The following CPNE4 variants were observed in gnomAD, a reference collection of about 807,000 sequenced individuals.
CPNE4 encodes the protein copine 4.
A neutral mutation model predicts 67.9 loss-of-function variants in CPNE4; 25 were observed. The ratio of observed to expected loss-of-function variants is 0.37; its 90% confidence interval spans 0.27 to 0.51. The LOEUF (loss-of-function observed/expected upper bound fraction) is 0.51, where lower values mean the gene tolerates loss of function less well. Ranked by LOEUF, CPNE4 falls within the 20% of genes least tolerant of loss-of-function variation. The probability of loss-of-function intolerance (pLI) is 0.93; values close to 1 mark genes in which losing one functional copy is unlikely to be tolerated. For missense variants in CPNE4, 464 were observed against 690.8 expected (o/e 0.67, Z 3.68); for synonymous variants, 242 against 244.9 (o/e 0.99, Z 0.11).
At chr3:131,901,962 T>A (rs7640815) in intron 2 of CPNE4, among the ~76,000 whole-genome samples, 1 of 151,878 alleles carries the variant, frequency 6.6e-6, no homozygotes, top group African/African-American at 2.4e-5. Context: ...GCAGAGTTCC[T>A]GTTGTTCATC....
At chr3:131,955,410 G>GTTTTTTTTTTTGTTTTTTTTTTGTTT (rs2071920229) in intron 1 of CPNE4, among the ~76,000 whole-genome samples, 10 of 42,266 alleles carry the variant, frequency 2.4e-4, no homozygotes, top group African/African-American at 9.3e-4. Context: ...TGTATGTAAG[G>GTTTTTTTTTTTGTTTTTTTTTTGTTT]TTTTTTTTTT....
At chr3:131,714,821 T>C (rs998595213) in intron 3 of CPNE4, among the ~76,000 whole-genome samples, 2 of 152,192 alleles carry the variant, frequency 1.3e-5, no homozygotes, top group Admixed American at 6.5e-5. Context: ...GAGAAGATGG[T>C]ATATAATCTC....
chr3:131,799,856 T>TA (rs767124549), intron 2 of CPNE4, among the ~76,000 whole-genome samples: 9 of 152,062 alleles, frequency 5.9e-5, no homozygotes, highest in Non-Finnish European at 1.2e-4. Flanking sequence ...GAGCAGTCTT[T>TA]AGTTTCCGAG....
At chr3:131,617,429 G>C (rs941524545) in intron 7 of CPNE4, among the ~76,000 whole-genome samples, 45 of 152,134 alleles carry the variant, frequency 3.0e-4, no homozygotes, top group African/African-American at 1.0e-3. Context: ...CAGGCAGATG[G>C]GTAGAGATCT....
At chr3:131,962,703 G>A (rs556167913) in intron 1 of CPNE4, among the ~76,000 whole-genome samples, 5 of 150,328 alleles carry the variant, frequency 3.3e-5, no homozygotes, top group African/African-American at 1.2e-4. Context: ...TTCCAGTGGA[G>A]AAATGCATCT....
At chr3:131,551,165 T>C (rs772801075) in intron 13 of CPNE4, among the ~76,000 whole-genome samples, 1 of 152,034 alleles carries the variant, frequency 6.6e-6, no homozygotes, top group Non-Finnish European at 1.5e-5. Flanking sequence ...GCAAAATAGC[T>C]CTTGGGTATT....
chr3:131,989,052 A>G (rs930157843), intron 1 of CPNE4, among the ~76,000 whole-genome samples: 3 of 152,196 alleles, frequency 2.0e-5, no homozygotes, highest in African/African-American at 4.8e-5. Context: ...AATTGTGTGC[A>G]CTGCTGTTTT....
rs550977009 is a variant in CPNE4, at chr3:131,796,275, C to T, written c.181-72650G>A. ...CATTAAGCCATTTTGGAATCATCTT[C>T]AGCCTCGTTAACGACGTAGCAGGGT... On this transcript the variant is annotated intron_variant, in intron 2 of 15. Coordinates refer to ENST00000429747, the MANE Select transcript of CPNE4 (RefSeq NM_130808.3). 1.1e-4 allele frequency among the ~76,000 whole-genome samples: 17 copies of T among 152,238 alleles called. No individual in the cohort carries two copies. The South Asian group carries it at 3.1e-3, about 28-fold the overall frequency.
chr3:131,684,296 C>T (rs777492451), intron 6 of CPNE4, among the ~76,000 whole-genome samples: 4 of 152,112 alleles, frequency 2.6e-5, no homozygotes, highest in Non-Finnish European at 4.4e-5. Context: ...GGAAACTTAA[C>T]GGGTGAAAGA....
chr3:131,843,803 C>T (rs1247459905), intron 2 of CPNE4, among the ~76,000 whole-genome samples: 10 of 152,280 alleles, frequency 6.6e-5, no homozygotes, highest in African/African-American at 2.2e-4. Flanking sequence ...GGGGCCTTGT[C>T]CCCTTTATCG....
intron 1 of CPNE4, among the ~76,000 whole-genome samples, chr3:131,943,362 A>G (rs905359979): frequency 3.9e-5 from 6 of 152,154 alleles, no homozygotes; most frequent in African/African-American, 1.4e-4. Flanking sequence ...TTTTAGAATG[A>G]TAGATCAGGA....
intron 9 of CPNE4, among the ~76,000 whole-genome samples, chr3:131,575,585 T>C (rs1402502914): frequency 6.6e-6 from 1 of 152,120 alleles, no homozygotes; most frequent in Non-Finnish European, 1.5e-5. Context: ...TACTGACAAT[T>C]TCCAGTTAGT....
intron 2 of CPNE4, among the ~76,000 whole-genome samples, chr3:131,854,930 T>C (rs2086380080): frequency 6.6e-6 from 1 of 151,948 alleles, no homozygotes; most frequent in Admixed American, 6.6e-5. Flanking sequence ...ATTTAAATTA[T>C]ATGCATCTAT....
At chr3:131,962,893 T>G (rs2072225988) in intron 1 of CPNE4, among the ~76,000 whole-genome samples, 1 of 152,154 alleles carries the variant, frequency 6.6e-6, no homozygotes, top group Non-Finnish European at 1.5e-5. Flanking sequence ...TTCCAACATT[T>G]TGTTATTTGC....
At chr3:131,640,513 TA>T (rs1249711303) in intron 7 of CPNE4, among the ~76,000 whole-genome samples, 1 of 151,956 alleles carries the variant, frequency 6.6e-6, no homozygotes, top group African/African-American at 2.4e-5. Flanking sequence ...AAATAAACCA[TA>T]GATGACACAA....
intron 1 of CPNE4, among the ~76,000 whole-genome samples, chr3:131,960,124 G>GAGGGAGGGAGGAA (rs1310725347): frequency 6.6e-6 from 1 of 151,740 alleles, no homozygotes; most frequent in African/African-American, 2.4e-5. Flanking sequence ...AAAGAGTGGA[G>GAGGGAGGGAGGAA]AGGGAGGGAG....
intron 2 of CPNE4, among the ~76,000 whole-genome samples, chr3:131,811,384 AT>A (rs754470727): frequency 4.9e-4 from 74 of 150,716 alleles, no homozygotes; most frequent in Non-Finnish European, 9.4e-4. Flanking sequence ...GGTTTAAAAA[AT>A]ATATATATAT....
At chr3:131,871,100 G>A (rs1194010858) in intron 2 of CPNE4, among the ~76,000 whole-genome samples, 1 of 152,078 alleles carries the variant, frequency 6.6e-6, no homozygotes, top group Non-Finnish European at 1.5e-5. Flanking sequence ...AATGAATGAA[G>A]AAAACACATT....
At chr3:131,583,654 C>T (rs1937985455) in intron 8 of CPNE4, among the ~76,000 whole-genome samples, 1 of 152,124 alleles carries the variant, frequency 6.6e-6, no homozygotes, top group East Asian at 1.9e-4. Flanking sequence ...GGAGAGGGCT[C>T]CAAGGAAGTT....
Sources: gnomAD v4.1 joint callset for allele counts (sites outside exome capture counted in the v4.1 genomes callset) on GRCh38, gnomAD v4.1.1 for gene constraint, MANE v1.5 for transcripts, NCBI Gene and HGNC (gene_info 2026-07-23, HGNC 2026-07-21) for gene names.